The following ALMS1 variants were observed in gnomAD, a reference collection of about 807,000 sequenced individuals.
ALMS1 encodes the protein ALMS1 centrosome and basal body associated protein.
ALMS1 carries 271 observed loss-of-function variants against 352.2 expected under a neutral mutation model. The ratio of observed to expected loss-of-function variants is 0.77; its 90% confidence interval spans 0.70 to 0.85. ALMS1 has a LOEUF of 0.85. ALMS1 is among the 40% of genes least tolerant of loss of function. The pLI is 0.00. For missense variants in ALMS1, 5,445 were observed against 4,870.7 expected, an observed-to-expected ratio of 1.12 and a Z score of -3.51; for synonymous variants, 1,865 against 1,761.2, an observed-to-expected ratio of 1.06 and a Z score of -1.48.
intron 1 of ALMS1, among the ~76,000 whole-genome samples, chr2:73,391,443 G>A (rs1276785865): frequency 2.0e-5 from 3 of 151,574 alleles, no homozygotes; most frequent in Admixed American, 6.6e-5. Context: ...ACAGGCGCCC[G>A]CCACCACGCC....
At chr2:73,593,767 G>A (rs1675482445) in intron 16 of ALMS1, among the ~76,000 whole-genome samples, 1 of 152,268 alleles carries the variant, frequency 6.6e-6, no homozygotes, top group East Asian at 1.9e-4. Flanking sequence ...CTCTGCCACA[G>A]CCTGCAGGCA....
At chr2:73,577,616 G>A (rs1356005032) in intron 16 of ALMS1, among the ~76,000 whole-genome samples, 1 of 151,768 alleles carries the variant, frequency 6.6e-6, no homozygotes. Flanking sequence ...ATAAGTTTTG[G>A]TATGTTTGTC....
intron 15 of ALMS1, among the ~76,000 whole-genome samples, chr2:73,568,594 T>A (rs1425003931): frequency 6.6e-6 from 1 of 152,212 alleles, no homozygotes; most frequent in Non-Finnish European, 1.5e-5. Context: ...GGAATTTTTC[T>A]ATAAGAAAAC....
At chr2:73,609,502 G>A (rs1675893892) in intron 22 of ALMS1, 66 bp from the exon 23 acceptor site, 5 of 1,406,062 alleles carry the variant, frequency 3.6e-6, no homozygotes, top group Non-Finnish European at 5.0e-6. Flanking sequence ...GATGCAGGGA[G>A]GAGAGGCATC....
intron 16 of ALMS1, among the ~76,000 whole-genome samples, chr2:73,598,049 G>A (rs535484967): frequency 1.1e-4 from 17 of 152,260 alleles, no homozygotes; most frequent in African/African-American, 3.9e-4. Flanking sequence ...GTAAATATTT[G>A]TTGTCAAATG....
At chr2:73,568,242 C>T (rs1243717433) in intron 15 of ALMS1, among the ~76,000 whole-genome samples, 1 of 152,126 alleles carries the variant, frequency 6.6e-6, no homozygotes, top group African/African-American at 2.4e-5. Context: ...TTCATGTACT[C>T]TTATAAGACT....
intron 16 of ALMS1, among the ~76,000 whole-genome samples, chr2:73,593,154 G>A (rs1294894575): frequency 2.0e-5 from 3 of 147,562 alleles, no homozygotes; most frequent in Non-Finnish European, 3.0e-5. Flanking sequence ...AAAGTGAACT[G>A]TTTTGGTTTA....
At chr2:73,471,001 C>G (rs1390666637) in intron 9 of ALMS1, 1 of 151,814 alleles carries the variant, frequency 6.6e-6, no homozygotes, top group African/African-American at 2.4e-5. Flanking sequence ...TAAAGTGAGT[C>G]TCTTCTAGAT....
chr2:73,451,305 A>G lies in ALMS1; in HGVS notation c.4778A>G (p.Glu1593Gly), dbSNP rs771514103. 2 of 1,614,090 alleles carry G rather than the reference A, an allele frequency of 1.2e-6. No homozygotes were observed. The highest frequency in any genetic ancestry group is 2.2e-5 in the South Asian group (2 of 91,086). ...QAFPDGHLPE[E>G]ALKVSIVSGP... is the part of the protein sequence containing the mutation. ...TTTCCAGATGGTCATCTACCTGAAGAGGCTCTGAAAGTTTCCATTGTTTCT... is the reference window on the plus strand; with the variant it reads ...TTTCCAGATGGTCATCTACCTGAAGGGGCTCTGAAAGTTTCCATTGTTTCT... Residue 1593 changes from glutamate (E) to glycine (G), a missense_variant, in exon 8 of 23, where the codon GAG becomes GGG. Transcript: ENST00000613296.
In ALMS1 at chr2:73,534,930, C is replaced by T. The variant is rs372451785; in HGVS notation, c.9888C>T (p.Thr3296=). 1.8e-5 allele frequency: 29 copies of T among 1,613,572 alleles called. No homozygotes were observed. The highest frequency in any genetic ancestry group is 4.5e-5 in the East Asian group (2 of 44,818). The change falls in exon 12 of 23, where the codon ACC becomes ACT. Residue 3296 remains threonine, a synonymous_variant. Transcript: ENST00000613296. ...CTCCGGATTCCAAATCAGATACCAC[C>T]GTTGAAAGCTCCCATTCAGGTATTA... ...PPSPDSKSDT[T]VESSHSGSND...
At chr2:73,587,842 A>T (rs1465746211) in intron 16 of ALMS1, among the ~76,000 whole-genome samples, 1 of 152,234 alleles carries the variant, frequency 6.6e-6, no homozygotes, top group Non-Finnish European at 1.5e-5. Context: ...GAGATATTAC[A>T]ACCAATACCA....
At chr2:73,387,401 A>C (rs1670561874) in intron 1 of ALMS1, among the ~76,000 whole-genome samples, 2 of 152,234 alleles carry the variant, frequency 1.3e-5, no homozygotes, top group Admixed American at 6.5e-5. Flanking sequence ...GCATAAAGTA[A>C]GATAATCTGG....
At position 73,452,325 on chromosome 2, in the gene ALMS1, T is replaced by G; in HGVS notation, c.5798T>G (p.Ile1933Arg). 1.9e-6 allele frequency: 3 copies of G among 1,614,028 alleles called. No homozygotes were observed. The South Asian group carries it at 3.3e-5, about 18-fold the overall frequency. Residue 1933 changes from isoleucine to arginine, a missense_variant, in exon 8 of 23, where the codon ATA (isoleucine) becomes AGA (arginine). Ile to Arg is a moderately conservative substitution (Grantham distance 97). Transcript: ENST00000613296. ...GGACAAGGTGACCGGAAGACTGAGATACCAACAGTACCTTTAAGTTACTAC... is the reference window on the plus strand; with the variant it reads ...GGACAAGGTGACCGGAAGACTGAGAGACCAACAGTACCTTTAAGTTACTAC... The part of the protein sequence containing the change: ...VPGQGDRKTE[I>R]PTVPLSYYSR...
At chr2:73,595,345 G>A (rs778059169) in intron 16 of ALMS1, among the ~76,000 whole-genome samples, 2 of 152,110 alleles carry the variant, frequency 1.3e-5, no homozygotes, top group Non-Finnish European at 1.5e-5. Context: ...CCAGCCCCAG[G>A]CAACCTCTCA....
At position 73,490,292 on chromosome 2, in the gene ALMS1, GT is replaced by G; in HGVS notation, c.8334del (p.Ser2778ArgfsTer8). On this transcript the variant is annotated frameshift_variant, in exon 10 of 23. Coordinates refer to ENST00000613296, the MANE Select transcript of ALMS1 (RefSeq NM_001378454.1). LOFTEE classifies it high-confidence loss of function. The part of the protein sequence containing the change: ...TSSPSSFKMH[S>X]NSQDKEVTIL... ...TCCCCTTCATCATTTAAAATGCATAGTAATTCACAAGATAAAGAAGTGACTA... is the reference window on the plus strand; with the variant it reads ...TCCCCTTCATCATTTAAAATGCATAGAATTCACAAGATAAAGAAGTGACTA... 1 of 1,613,122 alleles carries G rather than the reference GT, an allele frequency of 6.2e-7. No individual in the cohort carries two copies. Among genetic ancestry groups the G allele is most frequent in the Non-Finnish European group, 8.5e-7 (1 of 1,179,680 alleles).
chr2:73,463,918 G>C (rs965397637), intron 9 of ALMS1, among the ~76,000 whole-genome samples: 3 of 152,070 alleles, frequency 2.0e-5, no homozygotes, highest in African/African-American at 7.2e-5. Context: ...TCTCTGAATA[G>C]ACCAATAACA....
intron 6 of ALMS1, among the ~76,000 whole-genome samples, chr2:73,430,759 TAGTAGGCTACAC>T (rs1671484279): frequency 6.6e-6 from 1 of 152,140 alleles, no homozygotes. Context: ...CCTAGGTGTG[TAGTAGGCTACAC>T]AGTTGTAGGT....
intron 16 of ALMS1, among the ~76,000 whole-genome samples, chr2:73,589,308 A>G (rs933396959): frequency 6.6e-6 from 1 of 152,176 alleles, no homozygotes; most frequent in African/African-American, 2.4e-5. Context: ...AGCTTCCCAA[A>G]CTAGTCATAA....
At chr2:73,537,592 A>G (rs776431495) in intron 12 of ALMS1, among the ~76,000 whole-genome samples, 1 of 152,238 alleles carries the variant, frequency 6.6e-6, no homozygotes, top group East Asian at 1.9e-4. Flanking sequence ...GTGGCCATAT[A>G]TAAAAAGAAT....
Sources: gnomAD v4.1 joint callset for allele counts (sites outside exome capture counted in the v4.1 genomes callset) on GRCh38, gnomAD v4.1.1 for gene constraint, MANE v1.5 for transcripts, NCBI Gene and HGNC (gene_info 2026-07-23, HGNC 2026-07-21) for gene names.